Variants in AMPH observed in about 807,000 individuals in gnomAD.
The protein encoded by AMPH is amphiphysin (Stiff-Mann syndrome with breast cancer 128kD autoantigen).
AMPH carries 49 observed loss-of-function variants against 99.1 expected under a neutral mutation model. The ratio of observed to expected loss-of-function variants is 0.49; its 90% CI spans 0.39 to 0.63. The LOEUF is 0.63. Ranked by LOEUF, AMPH falls within the 20% of genes least tolerant of loss-of-function variation. The probability of loss-of-function intolerance (pLI) is 0.00; values close to 1 mark genes in which losing one functional copy is unlikely to be tolerated. For missense variants in AMPH, 759 were observed against 863.4 expected (o/e 0.88, Z 1.52); for synonymous variants, 314 against 317.3 (o/e 0.99, Z 0.11).
At chr7:38,559,641 T>A (rs1791488511) in intron 1 of AMPH, among the ~76,000 whole-genome samples, 1 of 152,196 alleles carries the variant, frequency 6.6e-6, no homozygotes, top group African/African-American at 2.4e-5. Context: ...ATGCTTTATT[T>A]CACTTAAGCC....
chr7:38,566,709 A>G (rs775829360), intron 1 of AMPH, among the ~76,000 whole-genome samples: 4 of 151,616 alleles, frequency 2.6e-5, no homozygotes, highest in Admixed American at 2.0e-4. Context: ...AAGAAAAAAA[A>G]CATCAAAAAG....
At chr7:38,587,490 A>G (rs904526528) in intron 1 of AMPH, among the ~76,000 whole-genome samples, 4 of 152,204 alleles carry the variant, frequency 2.6e-5, no homozygotes, top group Non-Finnish European at 4.4e-5. Context: ...AATCACCTGA[A>G]AGGGTATTTG....
intron 11 of AMPH, among the ~76,000 whole-genome samples, chr7:38,456,291 C>A (rs189467876): frequency 3.9e-4 from 60 of 152,310 alleles, no homozygotes; most frequent in Admixed American, 1.2e-3. Context: ...TTTGACCTCC[C>A]TAATAGCAGG....
chr7:38,592,416 G>A (rs1792889848), intron 1 of AMPH, among the ~76,000 whole-genome samples: 2 of 152,056 alleles, frequency 1.3e-5, no homozygotes, highest in Admixed American at 6.6e-5. Context: ...AAATGACCTT[G>A]GGTCCAGTGA....
intron 2 of AMPH, among the ~76,000 whole-genome samples, chr7:38,525,121 TGTG>T (rs1270811705): frequency 6.6e-6 from 1 of 150,664 alleles, no homozygotes; most frequent in African/African-American, 2.4e-5. Flanking sequence ...CATTTGCAGT[TGTG>T]TGTGTGTGTA....
chr7:38,402,256 T>C (rs1584042315), intron 17 of AMPH, among the ~76,000 whole-genome samples: 1 of 152,328 alleles, frequency 6.6e-6, no homozygotes, highest in East Asian at 1.9e-4. Flanking sequence ...TGAGTTTTAC[T>C]GACAACAAAA....
chr7:38,627,353 C>T (rs992070833), intron 1 of AMPH, among the ~76,000 whole-genome samples: 1 of 122,804 alleles, frequency 8.1e-6, no homozygotes, highest in African/African-American at 3.3e-5. Context: ...ACCATCCTGG[C>T]AAACATGGCG....
At chr7:38,393,769 T>C (rs1784585858) in intron 18 of AMPH, among the ~76,000 whole-genome samples, 1 of 152,216 alleles carries the variant, frequency 6.6e-6, no homozygotes, top group African/African-American at 2.4e-5. Context: ...CCCGTTTCCA[T>C]GCTTAGGCCC....
intron 13 of AMPH, among the ~76,000 whole-genome samples, chr7:38,431,359 G>A (rs1786014528): frequency 6.6e-6 from 1 of 152,148 alleles, no homozygotes; most frequent in Admixed American, 6.5e-5. Flanking sequence ...TGCTTAGAGA[G>A]TTTTAGAAAT....
chr7:38,564,710 T>A (rs932451648), intron 1 of AMPH, among the ~76,000 whole-genome samples: 3 of 152,310 alleles, frequency 2.0e-5, no homozygotes, highest in African/African-American at 4.8e-5. Flanking sequence ...TCCCAATACT[T>A]AATATACTGC....
chr7:38,525,273 TATATAGAG>T (rs1194635044), intron 2 of AMPH, among the ~76,000 whole-genome samples: 1,710 of 83,250 alleles, frequency 0.021, 15 homozygotes, highest in African/African-American at 0.033. Flanking sequence ...TATATATATA[TATATAGAG>T]AGAGAGAGAG....
At chr7:38,481,903 A>G (rs1025204563) in intron 5 of AMPH, among the ~76,000 whole-genome samples, 5 of 152,174 alleles carry the variant, frequency 3.3e-5, no homozygotes, top group Admixed American at 2.0e-4. Flanking sequence ...CCTTTCCATC[A>G]TAGCTCATTC....
At chr7:38,394,366 C>T in intron 17 of AMPH, 152 bp from the exon 18 acceptor site, 1 of 791,560 alleles carries the variant, frequency 1.3e-6, no homozygotes. Context: ...GCAGAATCTG[C>T]CATCTATTCA....
intron 1 of AMPH, among the ~76,000 whole-genome samples, chr7:38,627,039 T>G (rs1794274097): frequency 1.3e-5 from 2 of 152,196 alleles, no homozygotes; most frequent in South Asian, 2.1e-4. Context: ...CTCCCCATTC[T>G]GTACTCTAAG....
chr7:38,410,146 T>C (rs143958598), intron 17 of AMPH, among the ~76,000 whole-genome samples: 133 of 152,344 alleles, frequency 8.7e-4, no homozygotes, highest in African/African-American at 3.1e-3. Flanking sequence ...TTGAATGATA[T>C]GTAAGGTGCC....
rs891646853 is a variant in AMPH at position 38,436,470 on chromosome 7, T to G, written c.1018-82A>C. ...ACCATGATATAGCCCATGTATACTCTCTCTAATATTATTATTGAGTATCTC... is the reference window on the plus strand; with the variant it reads ...ACCATGATATAGCCCATGTATACTCGCTCTAATATTATTATTGAGTATCTC... On this transcript the variant is annotated intron_variant, in intron 11 of 20. Transcript: ENST00000356264. 4.2e-5 allele frequency: 42 copies of G among 993,440 alleles called. No individual in the cohort carries two copies. In the African/African-American group the frequency reaches 6.1e-4, roughly 14 times the overall value. The allele number at this position is 993,440 out of a possible 1,614,324, so 61.5% of individuals were successfully genotyped here. A position where few individuals can be genotyped will look rare whatever the true frequency, so the allele number is the denominator to read the frequency against.
chr7:38,576,134 T>C (rs1052596251), intron 1 of AMPH, among the ~76,000 whole-genome samples: 2 of 152,172 alleles, frequency 1.3e-5, no homozygotes, highest in African/African-American at 4.8e-5. Context: ...AAGAACACAA[T>C]TGACAACCAA....
chr7:38,557,070 T>A (rs1791389077), intron 1 of AMPH, among the ~76,000 whole-genome samples: 1 of 152,090 alleles, frequency 6.6e-6, no homozygotes, highest in African/African-American at 2.4e-5. Context: ...GACAAGGGGA[T>A]GATATGGTCC....
chr7:38,393,750 T>A (rs1562723589), intron 18 of AMPH, among the ~76,000 whole-genome samples: 1 of 152,212 alleles, frequency 6.6e-6, no homozygotes, highest in African/African-American at 2.4e-5. Flanking sequence ...GTCACCCCAG[T>A]TTCCCATTCC....
Sources: gnomAD v4.1 joint callset for allele counts (sites outside exome capture counted in the v4.1 genomes callset) on GRCh38, gnomAD v4.1.1 for gene constraint, MANE v1.5 for transcripts, NCBI Gene and HGNC (gene_info 2026-07-23, HGNC 2026-07-21) for gene names.